Variants in KCNJ6 observed in about 807,000 individuals in gnomAD.
KCNJ6 encodes the protein G protein-activated inward rectifier potassium channel 2.
In KCNJ6, 9 loss-of-function variants were observed where a neutral mutation model predicts 34.2. The observed-to-expected ratio is 0.26, with a 90% CI of 0.16 to 0.46. The LOEUF is 0.46. KCNJ6 is among the 20% of genes least tolerant of loss of function. The probability of loss-of-function intolerance (pLI) is 1.00; values close to 1 mark genes in which losing one functional copy is unlikely to be tolerated. For synonymous variants in KCNJ6, 196 were observed against 207.1 expected (o/e 0.95, Z 0.46); for missense variants, 236 against 531.3 (o/e 0.44, Z 5.46).
rs1194414662 is a variant in KCNJ6 at position 37,876,256 on chromosome 21, G to A, written c.-27-35547C>T. ...CATTTCACACTCACCAGACACTTTG[G>A]GACAGACACCCATAATATTCCCATT... On this transcript the variant is annotated intron_variant, in intron 1 of 3. Coordinates refer to ENST00000609713, the MANE Select transcript of KCNJ6 (RefSeq NM_002240.5). Among the ~76,000 whole-genome samples, 13 of 152,014 alleles carry A rather than the reference G, an allele frequency of 8.6e-5. No individual in the cohort carries two copies. In the East Asian group the frequency reaches 2.1e-3, roughly 25 times the overall value.
rs574976689 is a variant in KCNJ6 at position 37,862,685 on chromosome 21, C to T, written c.-27-21976G>A. On this transcript the variant is annotated intron_variant, in intron 1 of 3. Transcript: ENST00000609713. ...AATATGAAGAAACTGGGGGTTCTTCCTCTTCTATTTGTGCTAGCGGTAGGC... is the reference window on the plus strand; with the variant it reads ...AATATGAAGAAACTGGGGGTTCTTCTTCTTCTATTTGTGCTAGCGGTAGGC... Among the ~76,000 whole-genome samples the T allele has an allele frequency of 2.0e-5, 3 of 152,268 alleles. No individual in the cohort carries two copies. The South Asian group carries it at 6.2e-4, about 32-fold the overall frequency.
chr21:37,731,926 G>A (rs2054887607), intron 2 of KCNJ6, among the ~76,000 whole-genome samples: 1 of 152,184 alleles, frequency 6.6e-6, no homozygotes, highest in Admixed American at 6.5e-5. Flanking sequence ...TCCTAGCAAG[G>A]AAGGAAACTC....
At chr21:37,774,500 C>A (rs540534492) in intron 2 of KCNJ6, among the ~76,000 whole-genome samples, 3 of 152,022 alleles carry the variant, frequency 2.0e-5, no homozygotes, top group East Asian at 3.9e-4. Flanking sequence ...CCCTCCCCCC[C>A]TCCCCCTACC....
rs77584710 is a variant in KCNJ6 at position 37,687,084 on chromosome 21, C to G, written c.946+27127G>C. On this transcript the variant is annotated intron_variant, in intron 3 of 3. Coordinates refer to ENST00000609713, the MANE Select transcript of KCNJ6 (RefSeq NM_002240.5). ...GAGGGCCCTGAGGGTTCTGATCACT[C>G]CCAGCACTTGATCCAAAGGCCCCAG... Among the ~76,000 whole-genome samples the G allele has an allele frequency of 8.2e-3, 1,243 of 152,184 alleles. 19 individuals are homozygous for G. Among genetic ancestry groups the G allele is most frequent in the African/African-American group, 0.029 (1,186 of 41,528 alleles).
In KCNJ6 at chr21:37,619,274, C is replaced by T. The variant is rs1480587613; in HGVS notation, c.*5885G>A. On this transcript the variant is annotated 3_prime_UTR_variant, in exon 4 of 4. Coordinates refer to ENST00000609713, the MANE Select transcript of KCNJ6 (RefSeq NM_002240.5). ...TGCTTCCTTAGAAGACAAGGGAGTTCAGCTTAGTGACACAAAGAATGCCAT... is the reference window on the plus strand; with the variant it reads ...TGCTTCCTTAGAAGACAAGGGAGTTTAGCTTAGTGACACAAAGAATGCCAT... 6.6e-6 allele frequency: 1 copy of T among 152,180 alleles called. No individual in the cohort carries two copies. Among genetic ancestry groups the T allele is most frequent in the Admixed American group, 6.5e-5 (1 of 15,272 alleles). 9.4% of individuals were successfully genotyped at this position (152,180 alleles called of 1,614,324 possible). A position where few individuals can be genotyped will look rare whatever the true frequency, so the allele number is the denominator to read the frequency against.
Position 37,753,451 on chromosome 21 carries a change from T to A in KCNJ6, c.26-38320A>T, listed in dbSNP as rs138653758. Reference sequence around the variant, plus strand: ...GTAAATTGCAAAGGGCAGCAGAGTGTTCTGTTCGCACATCAAGAACGTATC... The same window carrying A: ...GTAAATTGCAAAGGGCAGCAGAGTGATCTGTTCGCACATCAAGAACGTATC... On this transcript the variant is annotated intron_variant, in intron 2 of 3. Transcript: ENST00000609713. 1.9e-4 allele frequency among the ~76,000 whole-genome samples: 29 copies of A among 152,216 alleles called. No individual in the cohort carries two copies. In the East Asian group the frequency reaches 5.0e-3, roughly 26 times the overall value.
At chr21:37,786,739 G>A (rs893846912) in intron 2 of KCNJ6, among the ~76,000 whole-genome samples, 4 of 152,134 alleles carry the variant, frequency 2.6e-5, no homozygotes, top group African/African-American at 9.7e-5. Flanking sequence ...TAACACCATG[G>A]CCCTAGACAT....
chr21:37,895,363 A>G (rs1450510881), intron 1 of KCNJ6, among the ~76,000 whole-genome samples: 1 of 152,212 alleles, frequency 6.6e-6, no homozygotes, highest in Admixed American at 6.5e-5. Context: ...ATATGACCCC[A>G]TTAGTAGCAC....
chr21:37,770,324 T>C (rs1427385225), intron 2 of KCNJ6, among the ~76,000 whole-genome samples: 1 of 151,920 alleles, frequency 6.6e-6, no homozygotes, highest in Non-Finnish European at 1.5e-5. Flanking sequence ...GAGTGTGACC[T>C]GTGAGGAGGT....
intron 2 of KCNJ6, among the ~76,000 whole-genome samples, chr21:37,778,097 T>C (rs1338812678): frequency 6.6e-6 from 1 of 152,142 alleles, no homozygotes; most frequent in Non-Finnish European, 1.5e-5. Context: ...GCATTCTGCT[T>C]TTTTTCCATG....
rs1328831777 is a variant in KCNJ6 at position 37,613,942 on chromosome 21, C to T, written c.*11217G>A. The T allele has an allele frequency of 1.4e-5, 2 of 143,028 alleles. No homozygotes were observed. The highest frequency in any genetic ancestry group is 2.0e-4 in the East Asian group (1 of 5,116). 8.9% of individuals were successfully genotyped at this position (143,028 alleles called of 1,614,324 possible). ...TGTCTCAGTGTAGACTCATCCATTTCCACAGATGTACCATTGTGGTTTGGC... is the reference window on the plus strand; with the variant it reads ...TGTCTCAGTGTAGACTCATCCATTTTCACAGATGTACCATTGTGGTTTGGC... On this transcript the variant is annotated 3_prime_UTR_variant, in exon 4 of 4. Transcript: ENST00000609713.
chr21:37,804,796 C>G (rs1309727985), intron 2 of KCNJ6, among the ~76,000 whole-genome samples: 1 of 152,080 alleles, frequency 6.6e-6, no homozygotes, highest in African/African-American at 2.4e-5. Context: ...TGTATATGTA[C>G]CACATTTTCT....
chr21:37,858,340 C>T (rs2055575590), intron 1 of KCNJ6, among the ~76,000 whole-genome samples: 2 of 132,276 alleles, frequency 1.5e-5, no homozygotes. Context: ...TTGCAGTGAG[C>T]CGAGATCTGG....
At chr21:37,912,189 G>C (rs2055870004) in intron 1 of KCNJ6, among the ~76,000 whole-genome samples, 1 of 152,120 alleles carries the variant, frequency 6.6e-6, no homozygotes, top group Admixed American at 6.6e-5. Context: ...AAGTGAATGG[G>C]GGCGAATTTT....
intron 3 of KCNJ6, among the ~76,000 whole-genome samples, chr21:37,646,117 T>C (rs1030120072): frequency 2.0e-5 from 3 of 152,150 alleles, no homozygotes; most frequent in Non-Finnish European, 4.4e-5. Flanking sequence ...TCAGTCCAAG[T>C]CTAGTTTTGA....
At chr21:37,707,443 C>A (rs1387240136) in intron 3 of KCNJ6, among the ~76,000 whole-genome samples, 3 of 152,054 alleles carry the variant, frequency 2.0e-5, no homozygotes, top group African/African-American at 7.2e-5. Flanking sequence ...CATTATTGTT[C>A]CCATTTTAGA....
intron 2 of KCNJ6, among the ~76,000 whole-genome samples, chr21:37,809,010 C>G (rs1441530892): frequency 6.6e-6 from 1 of 152,208 alleles, no homozygotes; most frequent in Non-Finnish European, 1.5e-5. Flanking sequence ...TTTGACCCAG[C>G]CATCCCATTA....
intron 2 of KCNJ6, among the ~76,000 whole-genome samples, chr21:37,727,305 G>A (rs993652214): frequency 6.6e-6 from 1 of 152,166 alleles, no homozygotes; most frequent in Admixed American, 6.5e-5. Flanking sequence ...GGGTGACTTT[G>A]GTGATGGTGG....
intron 2 of KCNJ6, among the ~76,000 whole-genome samples, chr21:37,833,674 G>A (rs1211808607): frequency 6.6e-6 from 1 of 152,100 alleles, no homozygotes; most frequent in Non-Finnish European, 1.5e-5. Flanking sequence ...AAACGTGTGT[G>A]CATATGCATG....
Sources: gnomAD v4.1 joint callset for allele counts (sites outside exome capture counted in the v4.1 genomes callset) on GRCh38, gnomAD v4.1.1 for gene constraint, MANE v1.5 for transcripts, NCBI Gene and HGNC (gene_info 2026-07-23, HGNC 2026-07-21) for gene names.